LSP1: variants seen among roughly 807,000 people sequenced by gnomAD.
The protein encoded by LSP1 is lymphocyte-specific protein 1.
Under a neutral mutation model 49.3 loss-of-function variants are expected in LSP1, and 32 were observed. The ratio of observed to expected loss-of-function variants is 0.65; its 90% CI spans 0.49 to 0.87. The LOEUF (loss-of-function observed/expected upper bound fraction) is 0.87, where lower values mean the gene tolerates loss of function less well. Among genes scored for constraint, LSP1 ranks in the 40% least tolerant of loss-of-function variants. LSP1 has a pLI of 0.00. For missense variants in LSP1, 428 were observed against 442.6 expected (o/e 0.97, Z 0.30); for synonymous variants, 179 against 178.8 (o/e 1.00, Z -0.01).
At chr11:1,887,926 G>T (rs1452597129) in intron 10 of LSP1, among the ~76,000 whole-genome samples, 2 of 152,172 alleles carry the variant, frequency 1.3e-5, no homozygotes, top group African/African-American at 4.8e-5. Context: ...GAAGGAAGCA[G>T]GTGGCATGGA....
intron 10 of LSP1, chr11:1,890,080 G>A: frequency 1.4e-6 from 1 of 715,392 alleles, no homozygotes; most frequent in Non-Finnish European, 2.6e-6. Context: ...CCAGAGACAG[G>A]GACGAAGCCA....
chr11:1,855,030 C>T (rs78472940), intron 1 of LSP1, among the ~76,000 whole-genome samples: 5,599 of 152,226 alleles, frequency 0.037, 101 homozygotes, highest in Non-Finnish European at 0.044. Flanking sequence ...GCACCTGTGC[C>T]GGGGCTGTCA....
intron 1 of LSP1, among the ~76,000 whole-genome samples, chr11:1,862,543 G>C (rs753013690): frequency 6.6e-6 from 1 of 152,156 alleles, no homozygotes; most frequent in Non-Finnish European, 1.5e-5. Flanking sequence ...AAATAGGCAG[G>C]TTGAGGTGCA....
intron 1 of LSP1, among the ~76,000 whole-genome samples, chr11:1,865,413 G>A (rs985419039): frequency 3.3e-5 from 5 of 150,974 alleles, no homozygotes; most frequent in South Asian, 2.2e-4. Context: ...GGCTGGTTGC[G>A]TGTACATGTG....
At chr11:1,870,492 C>A in intron 1 of LSP1, 3 of 1,194,660 alleles carry the variant, frequency 2.5e-6, no homozygotes, top group Non-Finnish European at 3.2e-6. Flanking sequence ...GTGGCCAGGC[C>A]GGGCACCCCA....
rs376543200 is a variant in LSP1, at chr11:1,884,065, C to G, written c.591+41C>G. On this transcript the variant is annotated intron_variant, in intron 5 of 10. Transcript: ENST00000311604. The surrounding 1 kb of genome is among the most constrained non-coding windows in gnomAD (Gnocchi z 4.1). ...AAGCCTGCCATCTTCTCCCCTCTCC[C>G]GTACTCATACCCAAAAGGCCAATCC... is the stretch of plus-strand genomic sequence containing the variant. 4 of 1,569,004 alleles carry G rather than the reference C, an allele frequency of 2.5e-6. No individual in the cohort carries two copies. The South Asian group carries it at 3.4e-5, about 13-fold the overall frequency.
rs552122912 is a variant in LSP1 at position 1,858,404 on chromosome 11, G to A, written c.53+5207G>A. ...AGCAAGCACTTAAAGGGACCGTCCC[G>A]AAAAGCGGAACTGGGACCGGGCGCT... On this transcript the variant is annotated intron_variant, in intron 1 of 10. Coordinates refer to ENST00000311604, the MANE Select transcript of LSP1 (RefSeq NM_002339.3). 2.6e-5 allele frequency among the ~76,000 whole-genome samples: 4 copies of A among 152,336 alleles called. No individual in the cohort carries two copies. The South Asian group carries it at 8.3e-4, about 32-fold the overall frequency.
chr11:1,881,946 C>G (rs1017801023), intron 3 of LSP1, among the ~76,000 whole-genome samples: 2 of 152,168 alleles, frequency 1.3e-5, no homozygotes, highest in African/African-American at 2.4e-5. Flanking sequence ...GAGGCCAGGC[C>G]GGGTGCTGCC....
At position 1,865,041 on chromosome 11, in the gene LSP1, C is replaced by T. The variant is rs368728298; in HGVS notation, c.53+11844C>T. 12 of 202,824 alleles carry T rather than the reference C, an allele frequency of 5.9e-5. No homozygotes were observed. The East Asian group carries it at 1.5e-3, about 25-fold the overall frequency. The allele number at this position is 202,824 out of a possible 1,614,324, so 12.6% of individuals were successfully genotyped here. On this transcript the variant is annotated intron_variant, in intron 1 of 10. Transcript: ENST00000311604. ...CAAGGAAGTGCAGGAGTGAGAGGGG[C>T]CAGGAGAGGCAGGAAAGCCAAGGAG...
rs756566635 is a variant in LSP1 at position 1,883,499 on chromosome 11, G to C, written c.437G>C (p.Gly146Ala). 6.2e-7 allele frequency: 1 copy of C among 1,613,998 alleles called. No homozygotes were observed. Among genetic ancestry groups the C allele is most frequent in the East Asian group, 2.2e-5 (1 of 44,884 alleles). ...TTGAGTCTGAGCAAGGAGGGGCCAG[G>C]CCCAGAGGACACTGTCCAGGACAAC... ...EELSLSKEGP[G>A]PEDTVQDNLG... The change falls in exon 4 of 11, where the codon GGC (glycine) becomes GCC (alanine). Residue 146 changes from glycine to alanine, a missense_variant. Coordinates refer to ENST00000311604, the MANE Select transcript of LSP1 (RefSeq NM_002339.3).
chr11:1,860,906 T>C (rs1273050495), intron 1 of LSP1, among the ~76,000 whole-genome samples: 2 of 151,998 alleles, frequency 1.3e-5, no homozygotes, highest in African/African-American at 4.8e-5. Context: ...GAAAGATTAA[T>C]AGAAGGATGT....
chr11:1,853,223 G>T, intron 1 of LSP1, 26 bp downstream of exon 1: 1 of 1,601,614 alleles, frequency 6.2e-7, no homozygotes, highest in Non-Finnish European at 8.5e-7. Flanking sequence ...GACGCCCGGC[G>T]CCCTGTGCCG....
At chr11:1,883,387 T>C (rs754651707) in intron 3 of LSP1, 32 bp from the exon 4 acceptor site, 2 of 1,613,138 alleles carry the variant, frequency 1.2e-6, no homozygotes, top group Admixed American at 1.7e-5. Context: ...CCAATGGCCC[T>C]AGAACGGCTT....
At chr11:1,890,093 G>T in intron 10 of LSP1, 1 of 716,110 alleles carries the variant, frequency 1.4e-6, no homozygotes, top group Non-Finnish European at 2.6e-6. Context: ...CGAAGCCACT[G>T]GGGGGCCGGG....
chr11:1,854,350 C>T (rs1847434779), intron 1 of LSP1, among the ~76,000 whole-genome samples: 1 of 152,158 alleles, frequency 6.6e-6, no homozygotes, highest in South Asian at 2.1e-4. Context: ...CTACCAGTCT[C>T]TGCCTTGGTG....
rs554861471 is a variant in LSP1, at chr11:1,876,631, AG to A, written c.54-3451del. ...GGACACCCATTCTGCAAGTGTCTGC[AG>A]GGGGAGGACGGAGGTGGGTAGCTGG... On this transcript the variant is annotated intron_variant, in intron 1 of 10. Coordinates refer to ENST00000311604, the MANE Select transcript of LSP1 (RefSeq NM_002339.3). 810 of 985,418 alleles carry A rather than the reference AG, an allele frequency of 8.2e-4. 1 individual carries two copies. The highest frequency in any genetic ancestry group is 9.3e-4 in the Non-Finnish European group (774 of 829,970). The allele number at this position is 985,418 out of a possible 1,614,324, so 61.0% of individuals were successfully genotyped here.
At chr11:1,860,596 G>A (rs932621766) in intron 1 of LSP1, among the ~76,000 whole-genome samples, 3 of 152,192 alleles carry the variant, frequency 2.0e-5, no homozygotes, top group African/African-American at 7.2e-5. Flanking sequence ...AAATGCAGAT[G>A]TGATATTTAG....
intron 1 of LSP1, among the ~76,000 whole-genome samples, chr11:1,875,899 G>A (rs1565081108): frequency 6.6e-6 from 1 of 152,212 alleles, no homozygotes. Flanking sequence ...TGCCTCTCCA[G>A]GGAGGAGTGA....
intron 10 of LSP1, chr11:1,889,840 G>T: frequency 1.6e-6 from 1 of 634,234 alleles, no homozygotes; most frequent in Non-Finnish European, 2.9e-6. Context: ...GGTGGCGGCC[G>T]TGGTACAGGG....
Sources: gnomAD v4.1 joint callset for allele counts (sites outside exome capture counted in the v4.1 genomes callset) on GRCh38, gnomAD v4.1.1 for gene constraint, Gnocchi (gnomAD v3.1) non-coding constraint, MANE v1.5 for transcripts, NCBI Gene and HGNC (gene_info 2026-07-23, HGNC 2026-07-21) for gene names.